Variants in ASIC2 observed in about 807,000 individuals in gnomAD.
ASIC2 encodes the protein acid-sensing ion channel 2.
Under a neutral mutation model 57.3 loss-of-function variants are expected in ASIC2, and 25 were observed. The observed-to-expected ratio is 0.44, with a 90% confidence interval of 0.32 to 0.61. ASIC2 has a LOEUF of 0.61. Among genes scored for constraint, ASIC2 ranks in the 20% least tolerant of loss-of-function variants. The probability of loss-of-function intolerance (pLI) is 0.06; values close to 1 mark genes in which losing one functional copy is unlikely to be tolerated. For missense variants in ASIC2, 641 were observed against 738.1 expected (o/e 0.87, Z 1.52); for synonymous variants, 319 against 307.5 (o/e 1.04, Z -0.39).
intron 1 of ASIC2, among the ~76,000 whole-genome samples, chr17:33,655,098 C>T (rs1250102762): frequency 6.6e-6 from 1 of 152,166 alleles, no homozygotes; most frequent in African/African-American, 2.4e-5. Flanking sequence ...AGTGGTAGCC[C>T]TTTTAGAATA....
chr17:33,020,857 C>T (rs1379407590), intron 7 of ASIC2, among the ~76,000 whole-genome samples: 2 of 152,028 alleles, frequency 1.3e-5, no homozygotes, highest in Non-Finnish European at 2.9e-5. Flanking sequence ...GATACCTCTG[C>T]CCCCTCTCCA....
intron 1 of ASIC2, among the ~76,000 whole-genome samples, chr17:33,854,571 G>A (rs1913864900): frequency 6.6e-6 from 1 of 152,192 alleles, no homozygotes; most frequent in African/African-American, 2.4e-5. Flanking sequence ...ACTGCCCCAG[G>A]ATTCCCTCAA....
intron 1 of ASIC2, among the ~76,000 whole-genome samples, chr17:33,940,099 A>G (rs1319809619): frequency 1.3e-5 from 2 of 152,208 alleles, no homozygotes; most frequent in African/African-American, 4.8e-5. Context: ...ACGCTACTCT[A>G]GGTAAGCCAT....
At chr17:34,095,748 T>C (rs1162817324) in intron 1 of ASIC2, among the ~76,000 whole-genome samples, 1 of 145,822 alleles carries the variant, frequency 6.9e-6, no homozygotes, top group Non-Finnish European at 1.5e-5. Context: ...ATTTTATATA[T>C]ATATATATAG....
At chr17:34,155,632 T>A (rs1297471837) in intron 1 of ASIC2, 4 of 277,774 alleles carry the variant, frequency 1.4e-5, no homozygotes, top group Admixed American at 5.0e-5. Context: ...GACAAGCTGT[T>A]CCAATCACAC....
intron 1 of ASIC2, among the ~76,000 whole-genome samples, chr17:33,838,571 A>T (rs140074852): frequency 6.6e-6 from 1 of 152,208 alleles, no homozygotes; most frequent in African/African-American, 2.4e-5. Flanking sequence ...GAGTCAGGCT[A>T]TCTCAGTTGT....
intron 1 of ASIC2, among the ~76,000 whole-genome samples, chr17:33,600,960 G>A (rs1465743435): frequency 1.3e-5 from 2 of 152,196 alleles, no homozygotes; most frequent in Admixed American, 6.5e-5. Context: ...GGACTTTGTG[G>A]AAGGCAGAAC....
At chr17:33,653,456 G>C (rs994574979) in intron 1 of ASIC2, among the ~76,000 whole-genome samples, 1 of 152,152 alleles carries the variant, frequency 6.6e-6, no homozygotes, top group Admixed American at 6.5e-5. Flanking sequence ...TATTTACTGG[G>C]GTAGAGGGAA....
chr17:33,415,818 G>A (rs1910824155), intron 1 of ASIC2, among the ~76,000 whole-genome samples: 1 of 152,232 alleles, frequency 6.6e-6, no homozygotes, highest in Admixed American at 6.5e-5. Context: ...CTGAGATGCT[G>A]CAGTTAGACA....
At chr17:33,153,620 A>G (rs1380117226) in intron 1 of ASIC2, among the ~76,000 whole-genome samples, 2 of 152,114 alleles carry the variant, frequency 1.3e-5, no homozygotes, top group Non-Finnish European at 2.9e-5. Flanking sequence ...TTCACAATTT[A>G]AGTGATATAT....
chr17:33,459,361 C>G (rs1290851808), intron 1 of ASIC2, among the ~76,000 whole-genome samples: 1 of 152,102 alleles, frequency 6.6e-6, no homozygotes, highest in Non-Finnish European at 1.5e-5. Context: ...GAGACGCGTG[C>G]AGGATCAATG....
In ASIC2 at chr17:33,151,289, G is replaced by A. The variant is rs142176916; in HGVS notation, c.709-39222C>T. ...CTCTGGAGGCTGAGGCAGAAAAATCGCTTGAACCTGGGAGGCTGAGGTTAC... is the reference window on the plus strand; with the variant it reads ...CTCTGGAGGCTGAGGCAGAAAAATCACTTGAACCTGGGAGGCTGAGGTTAC... On this transcript the variant is annotated intron_variant, in intron 1 of 9. Transcript: ENST00000225823. 6.4e-4 allele frequency among the ~76,000 whole-genome samples: 96 copies of A among 150,840 alleles called. No individual in the cohort carries two copies. The East Asian group carries it at 0.011, about 17-fold the overall frequency.
chr17:33,897,940 T>A (rs1177477684), intron 1 of ASIC2, among the ~76,000 whole-genome samples: 1 of 152,194 alleles, frequency 6.6e-6, no homozygotes, highest in Non-Finnish European at 1.5e-5. Context: ...TATAGGTTAT[T>A]GGGACAGTTA....
At chr17:34,057,048 T>A (rs1908791770) in intron 1 of ASIC2, among the ~76,000 whole-genome samples, 1 of 152,226 alleles carries the variant, frequency 6.6e-6, no homozygotes, top group African/African-American at 2.4e-5. Flanking sequence ...GTTGTTCTCA[T>A]TATTAATAAA....
chr17:33,922,709 A>T (rs1385768077), intron 1 of ASIC2, among the ~76,000 whole-genome samples: 1 of 152,094 alleles, frequency 6.6e-6, no homozygotes, highest in African/African-American at 2.4e-5. Context: ...CCCATTTTCC[A>T]CTGTGAAAAC....
rs920999499 is a variant in ASIC2, at chr17:34,052,941, A to G, written c.555+103037T>C. ...GCCAAATCTCACTTTTCCATCCCTC[A>G]TCTTTTCTCCCTTCTCCTTCCTTCC... On this transcript the variant is annotated intron_variant, in intron 1 of 9. Transcript: ENST00000359872. 2.6e-5 allele frequency among the ~76,000 whole-genome samples: 4 copies of G among 151,550 alleles called. No individual in the cohort carries two copies. In the East Asian group the frequency reaches 5.8e-4, roughly 22 times the overall value.
At chr17:34,009,909 TGA>T (rs1906654588) in intron 1 of ASIC2, among the ~76,000 whole-genome samples, 1 of 152,224 alleles carries the variant, frequency 6.6e-6, no homozygotes, top group Admixed American at 6.5e-5. Flanking sequence ...ACATTTTGAA[TGA>T]GACCATCACA....
chr17:33,948,994 GA>G (rs1904472812), intron 1 of ASIC2, among the ~76,000 whole-genome samples: 1 of 152,188 alleles, frequency 6.6e-6, no homozygotes, highest in South Asian at 2.1e-4. Context: ...GATTTGTAAA[GA>G]AATGAGTGGG....
intron 1 of ASIC2, among the ~76,000 whole-genome samples, chr17:33,993,485 A>T (rs974724962): frequency 2.0e-5 from 3 of 152,154 alleles, no homozygotes; most frequent in Non-Finnish European, 4.4e-5. Flanking sequence ...GACCAGCACA[A>T]ATACTGCCTC....
Sources: gnomAD v4.1 joint callset for allele counts (sites outside exome capture counted in the v4.1 genomes callset) on GRCh38, gnomAD v4.1.1 for gene constraint, MANE v1.5 for transcripts, NCBI Gene and HGNC (gene_info 2026-07-23, HGNC 2026-07-21) for gene names.